The following MYBL1 variants were observed in gnomAD, a reference collection of about 807,000 sequenced individuals.
MYBL1 encodes myb-related protein A.
In MYBL1, 17 loss-of-function variants were observed where a neutral mutation model predicts 96.3. The ratio of observed to expected loss-of-function variants is 0.18; its 90% CI spans 0.12 to 0.26. The LOEUF is 0.26. Ranked by LOEUF, MYBL1 falls within the 10% of genes least tolerant of loss-of-function variation. The pLI is 1.00. For synonymous variants in MYBL1, 282 were observed against 292.7 expected (o/e 0.96, Z 0.37); for missense variants, 701 against 882.9 (o/e 0.79, Z 2.61).
chr8:66,591,722 T>C (rs988460126), intron 8 of MYBL1, among the ~76,000 whole-genome samples: 21 of 152,224 alleles, frequency 1.4e-4, no homozygotes, highest in East Asian at 1.2e-3. Flanking sequence ...TTGGAGCTCA[T>C]AAATCCCTCT....
At chr8:66,565,096 T>C (rs540223033) in intron 15 of MYBL1, 2 of 184,556 alleles carry the variant, frequency 1.1e-5, no homozygotes, top group Admixed American at 1.2e-4. Flanking sequence ...TTGTCCCCAA[T>C]AATTCCCCCC....
At chr8:66,606,712 T>C (rs115559313) in intron 1 of MYBL1, among the ~76,000 whole-genome samples, 2,989 of 152,208 alleles carry the variant, frequency 0.02, 89 homozygotes, top group African/African-American at 0.066. Context: ...CACACTTCAA[T>C]AGTCCAGTGT....
At position 66,580,259 on chromosome 8, in the gene MYBL1, A is replaced by C; in HGVS notation, c.975T>G (p.Asp325Glu). ...DEHTSEFYSM[D>E]ENQPVSAQQN... ...GCTGAGCAGACACAGGCTGATTTTC[A>C]TCCATACTGTAAAACTCACTAGTGT... Residue 325 changes from aspartate to glutamate, a missense_variant, in exon 9 of 16, where the codon GAT becomes GAG. Asp to Glu is a conservative substitution (Grantham distance 45). This residue lies in a region of MYBL1 where 396 missense variants were observed against 407.4 expected (regional missense o/e 0.97). Coordinates refer to ENST00000522677, the MANE Select transcript of MYBL1 (RefSeq NM_001080416.4). The C allele has an allele frequency of 6.2e-7, 1 of 1,613,926 alleles. No homozygotes were observed. The highest frequency in any genetic ancestry group is 8.5e-7 in the Non-Finnish European group (1 of 1,179,828).
At position 66,576,374 on chromosome 8, in the gene MYBL1, T is replaced by C. The variant is rs1191115724; in HGVS notation, c.1103A>G (p.Asp368Gly). 1 of 1,598,110 alleles carries C rather than the reference T, an allele frequency of 6.3e-7. No individual in the cohort carries two copies. The highest frequency in any genetic ancestry group is 8.5e-7 in the Non-Finnish European group (1 of 1,174,276). Reference sequence around the variant, plus strand: ...GGTAACGTCACTCCATGCTACAGGATCCTGCAATAAATTAAACTGTTAATA... The same window carrying C: ...GGTAACGTCACTCCATGCTACAGGACCCTGCAATAAATTAAACTGTTAATA... The part of the protein sequence containing the change: ...FAETLELIES[D>G]PVAWSDVTSF... Residue 368 changes from aspartate to glycine, a missense_variant and splice_region_variant, in exon 10 of 16, where the codon GAT becomes GGT. Physicochemically the swap from Asp to Gly is moderately conservative, Grantham distance 94. Transcript: ENST00000522677.
Position 66,613,030 on chromosome 8 carries a change from A to C in MYBL1, c.-192T>G. ...GGGGGCGGACCGCGACCCGACCCCG[A>C]CCCCGGCCCGCAGCGCCGCTCTTAG... On this transcript the variant is annotated 5_prime_UTR_variant, in exon 1 of 16. Coordinates refer to ENST00000522677, the MANE Select transcript of MYBL1 (RefSeq NM_001080416.4). 1.9e-6 allele frequency: 1 copy of C among 532,766 alleles called. No homozygotes were observed. The highest frequency in any genetic ancestry group is 2.9e-6 in the Non-Finnish European group (1 of 344,710). The allele number at this position is 532,766 out of a possible 1,614,324, so 33.0% of individuals were successfully genotyped here. A position where few individuals can be genotyped will look rare whatever the true frequency, so the allele number is the denominator to read the frequency against.
chr8:66,564,633 C>T lies in MYBL1; in HGVS notation c.*64G>A. ...AAACAACTAATTGAGAAAAATTTCA[C>T]TGCAACCTAATTTAGTAGAGACTGC... On this transcript the variant is annotated 3_prime_UTR_variant, in exon 16 of 16. Transcript: ENST00000522677. 7.4e-6 allele frequency: 10 copies of T among 1,355,708 alleles called. No individual in the cohort carries two copies. The highest frequency in any genetic ancestry group is 9.8e-6 in the Non-Finnish European group (10 of 1,018,390). 84.0% of individuals were successfully genotyped at this position (1,355,708 alleles called of 1,614,324 possible).
chr8:66,572,672 A>AAATT, intron 11 of MYBL1, 76 bp from the exon 12 acceptor site: 1 of 653,540 alleles, frequency 1.5e-6, no homozygotes, highest in Non-Finnish European at 2.5e-6. Context: ...AAGCAATTTA[A>AAATT]GCACACGCTA....
At chr8:66,570,312 C>CT (rs761701052) in intron 12 of MYBL1, among the ~76,000 whole-genome samples, 1,394 of 133,632 alleles carry the variant, frequency 0.01, 15 homozygotes, top group African/African-American at 0.03. Flanking sequence ...TTGTTTTTGT[C>CT]TTTTTTTTTT....
chr8:66,601,784 C>G lies in MYBL1; in HGVS notation c.127-15G>C, dbSNP rs1174121054. 1 of 1,410,846 alleles carries G rather than the reference C, an allele frequency of 7.1e-7. No individual in the cohort carries two copies. 87.4% of individuals were successfully genotyped at this position (1,410,846 alleles called of 1,614,324 possible). On this transcript the variant is annotated splice_polypyrimidine_tract_variant and intron_variant, in intron 2 of 15. Transcript: ENST00000522677. ...AATTTATCATCCTATTAAAACAGTA[C>G]AAAAATTAGAAAGCTTTCCCCCCGT...
At chr8:66,589,069 G>T (rs1261259537) in intron 8 of MYBL1, among the ~76,000 whole-genome samples, 1 of 152,116 alleles carries the variant, frequency 6.6e-6, no homozygotes, top group Non-Finnish European at 1.5e-5. Context: ...TATTCTACTG[G>T]CTGCAGCAAC....
chr8:66,588,376 C>A (rs1176539695), intron 8 of MYBL1, among the ~76,000 whole-genome samples: 1 of 151,186 alleles, frequency 6.6e-6, no homozygotes, highest in African/African-American at 2.4e-5. Context: ...ACCTCCCAGG[C>A]TCAAGTGATC....
intron 4 of MYBL1, among the ~76,000 whole-genome samples, chr8:66,598,351 C>T (rs1809932845): frequency 6.6e-6 from 1 of 152,086 alleles, no homozygotes; most frequent in Non-Finnish European, 1.5e-5. Flanking sequence ...ATTGCTTGAG[C>T]CCAGGAGTTC....
Position 66,576,263 on chromosome 8 carries a change from A to G in MYBL1, c.1214T>C (p.Met405Thr), listed in dbSNP as rs1217690743. 3 of 1,613,850 alleles carry G rather than the reference A, an allele frequency of 1.9e-6. No homozygotes were observed. The African/African-American group carries it at 4.0e-5, about 22-fold the overall frequency. The change falls in exon 10 of 16, where the codon ATG becomes ACG. Residue 405 changes from methionine (M) to threonine (T), a missense_variant. Physicochemically the swap from Met to Thr is moderately conservative, Grantham distance 81. This residue lies in a region of MYBL1 where 396 missense variants were observed against 407.4 expected (regional missense o/e 0.97). Coordinates refer to ENST00000522677, the MANE Select transcript of MYBL1 (RefSeq NM_001080416.4). ...LMRIQHNEGA[M>T]ECQFNVSLVL... is the part of the protein sequence containing the mutation. Reference sequence around the variant, plus strand: ...AAGACTGACGTTAAATTGGCATTCCATGGCTCCTTCATTGTGCTGAATTCT... The same window carrying G: ...AAGACTGACGTTAAATTGGCATTCCGTGGCTCCTTCATTGTGCTGAATTCT...
chr8:66,587,489 T>C (rs1009199278), intron 8 of MYBL1, among the ~76,000 whole-genome samples: 3 of 152,166 alleles, frequency 2.0e-5, no homozygotes, highest in Non-Finnish European at 4.4e-5. Context: ...TCTTTAGAAA[T>C]GTACACTAGG....
Position 66,576,241 on chromosome 8 carries a change from A to T in MYBL1, c.1236T>A (p.Ser412Arg). Residue 412 changes from serine (S) to arginine (R), a missense_variant, in exon 10 of 16, where the codon AGT becomes AGA. Ser to Arg is a moderately radical substitution (Grantham distance 110). Coordinates refer to ENST00000522677, the MANE Select transcript of MYBL1 (RefSeq NM_001080416.4). ...TGTTTTTTTTCCCTTCAAGTACAAGACTGACGTTAAATTGGCATTCCATGG... is the reference window on the plus strand; with the variant it reads ...TGTTTTTTTTCCCTTCAAGTACAAGTCTGACGTTAAATTGGCATTCCATGG... The part of the protein sequence containing the change: ...EGAMECQFNV[S>R]LVLEGKKNTC... 3 of 1,613,970 alleles carry T rather than the reference A, an allele frequency of 1.9e-6. No individual in the cohort carries two copies. Among genetic ancestry groups the T allele is most frequent in the Non-Finnish European group, 2.5e-6 (3 of 1,179,886 alleles).
Position 66,576,003 on chromosome 8 carries a change from C to T in MYBL1, c.1470+4G>A, listed in dbSNP as rs1808923875. Reference sequence around the variant, plus strand: ...AGAAACATAAACAAAATGAACACCACTACCTGTGAAGGAGAAAATGGTAGT... The same window carrying T: ...AGAAACATAAACAAAATGAACACCATTACCTGTGAAGGAGAAAATGGTAGT... On this transcript the variant is annotated splice_donor_region_variant and intron_variant, in intron 10 of 15. Transcript: ENST00000522677. 1.9e-6 allele frequency: 3 copies of T among 1,607,596 alleles called. No individual in the cohort carries two copies. Among genetic ancestry groups the T allele is most frequent in the African/African-American group, 1.3e-5 (1 of 74,794 alleles).
Position 66,564,515 on chromosome 8 carries a change from ACTAT to A in MYBL1, c.*178_*181del, listed in dbSNP as rs1808427664. The A allele has an allele frequency of 2.6e-6, 1 of 379,410 alleles. No homozygotes were observed. The highest frequency in any genetic ancestry group is 2.1e-5 in the African/African-American group (1 of 47,976). The allele number at this position is 379,410 out of a possible 1,614,324, so 23.5% of individuals were successfully genotyped here. A position where few individuals can be genotyped will look rare whatever the true frequency, so the allele number is the denominator to read the frequency against. ...CATCTCTTAAAAAATAAACTATGAAACTATCTACCCCTTAAGTGACTTACTAGCT... is the reference window on the plus strand; with the variant it reads ...CATCTCTTAAAAAATAAACTATGAAACTACCCCTTAAGTGACTTACTAGCT... On this transcript the variant is annotated 3_prime_UTR_variant, in exon 16 of 16. Transcript: ENST00000522677.
intron 5 of MYBL1, among the ~76,000 whole-genome samples, chr8:66,596,104 C>T (rs547007144): frequency 6.6e-6 from 1 of 152,022 alleles, no homozygotes; most frequent in South Asian, 2.1e-4. Flanking sequence ...AAATTCACTA[C>T]AATGCAAATA....
intron 8 of MYBL1, among the ~76,000 whole-genome samples, chr8:66,581,415 G>A (rs987272451): frequency 3.3e-5 from 5 of 152,140 alleles, no homozygotes; most frequent in South Asian, 2.1e-4. Flanking sequence ...GGTGGCTCAC[G>A]CACATAGTCC....
Sources: gnomAD v4.1 joint callset for allele counts (sites outside exome capture counted in the v4.1 genomes callset) on GRCh38, gnomAD v4.1.1 for gene constraint, gnomAD v4.1.1 regional missense constraint, MANE v1.5 for transcripts, NCBI Gene and HGNC (gene_info 2026-07-23, HGNC 2026-07-21) for gene names.